The following UTY variants were observed in gnomAD, a reference collection of about 807,000 sequenced individuals.
UTY encodes ubiquitously transcribed tetratricopeptide repeat containing, Y-linked, also known as histone demethylase UTY.
In UTY, 12 loss-of-function variants were observed where a neutral mutation model predicts 32.5. The ratio of observed to expected loss-of-function variants is 0.37; its 90% CI spans 0.24 to 0.60. The LOEUF is 0.60. UTY is among the 20% of genes least tolerant of loss of function. The pLI is 0.69. For synonymous variants in UTY, 131 were observed against 103.4 expected (o/e 1.27, Z -1.62); for missense variants, 303 against 299.2 (o/e 1.01, Z -0.09).
At chrY:13,244,003 T>A, downstream of UTY, among the ~76,000 whole-genome samples, 1 of 32,075 alleles carries the variant, frequency 3.1e-5, no homozygotes. Flanking sequence ...GAGGTGGAAT[T>A]TCACCAGGTT....
intron 17 of UTY, among the ~76,000 whole-genome samples, chrY:13,351,087 C>T: frequency 6.3e-5 from 2 of 31,633 alleles, no homozygotes; most frequent in African/African-American, 2.5e-4. Flanking sequence ...TATTCTCCAG[C>T]CACTCCTTAA....
intron 27 of UTY, among the ~76,000 whole-genome samples, chrY:13,268,158 G>T (rs765524652): frequency 6.0e-5 from 2 of 33,121 alleles, no homozygotes; most frequent in Non-Finnish European, 1.5e-4. Flanking sequence ...ACTTTCAGGT[G>T]TATCAATCAA....
intron 2 of UTY, among the ~76,000 whole-genome samples, chrY:13,478,789 T>G: frequency 3.0e-5 from 1 of 33,383 alleles, no homozygotes; most frequent in Non-Finnish European, 7.4e-5. Flanking sequence ...AGGTCAAATA[T>G]CTACTGCAAA....
At chrY:13,379,899 T>G (rs1603445133) in intron 8 of UTY, among the ~76,000 whole-genome samples, 3 of 14,451 alleles carry the variant, frequency 2.1e-4, no homozygotes, top group African/African-American at 1.4e-3. Context: ...CATTAAGGGG[T>G]GTGTGTGTGT....
intron 3 of UTY, among the ~76,000 whole-genome samples, chrY:13,459,218 A>G: frequency 3.0e-5 from 1 of 33,014 alleles, no homozygotes; most frequent in Non-Finnish European, 7.5e-5. Flanking sequence ...CCATTGTCCT[A>G]GATAAAGGCA....
chrY:13,428,482 A>G (rs761697209), intron 4 of UTY, among the ~76,000 whole-genome samples: 1 of 33,531 alleles, frequency 3.0e-5, no homozygotes, highest in Non-Finnish European at 7.4e-5. Flanking sequence ...ACCTTGTCTA[A>G]TAACAGCTGG....
At chrY:13,414,306 C>T in intron 5 of UTY, among the ~76,000 whole-genome samples, 1 of 33,823 alleles carries the variant, frequency 3.0e-5, no homozygotes, top group African/African-American at 1.2e-4. Context: ...AGAATCTTAA[C>T]GCTTAGTAGC....
At chrY:13,250,090 G>A in intron 29 of UTY, among the ~76,000 whole-genome samples, 6 of 33,005 alleles carry the variant, frequency 1.8e-4, no homozygotes, top group African/African-American at 7.2e-4. Context: ...GCGCGATCTC[G>A]GCTCACCGCA....
chrY:13,469,245 T>TC (rs2078227936), intron 3 of UTY, among the ~76,000 whole-genome samples: 1 of 27,318 alleles, frequency 3.7e-5, no homozygotes, highest in Non-Finnish European at 8.7e-5. Flanking sequence ...GGAGCCTTGC[T>TC]CTGTTGCCTA....
intron 8 of UTY, among the ~76,000 whole-genome samples, chrY:13,376,380 T>G: frequency 4.7e-4 from 16 of 33,809 alleles, no homozygotes; most frequent in Admixed American, 4.3e-3. Flanking sequence ...CTTATATATT[T>G]GTATACTTGT....
At chrY:13,272,857 C>A (rs887007638) in intron 27 of UTY, among the ~76,000 whole-genome samples, 1 of 33,507 alleles carries the variant, frequency 3.0e-5, no homozygotes, top group East Asian at 7.8e-4. Flanking sequence ...CCTTTTCAGC[C>A]TCCTGAGTAG....
chrY:13,332,604 A>G (rs2060770203), intron 18 of UTY, among the ~76,000 whole-genome samples: 1 of 33,689 alleles, frequency 3.0e-5, no homozygotes, highest in Non-Finnish European at 7.4e-5. Flanking sequence ...TCTCAATAAG[A>G]GCTATTTATG....
chrY:13,297,948 A>G, intron 26 of UTY, 100 bp from the exon 27 acceptor site: 2 of 195,378 alleles, frequency 1.0e-5, no homozygotes, highest in East Asian at 1.1e-4. Context: ...TGCAATACCA[A>G]TTCTGAAAAC....
intron 28 of UTY, chrY:13,234,882 C>A: frequency 9.5e-6 from 1 of 105,138 alleles, no homozygotes; most frequent in East Asian, 2.1e-4. Flanking sequence ...AGGCCAGTTC[C>A]CACCCTTCAG....
intron 27 of UTY, among the ~76,000 whole-genome samples, chrY:13,278,769 C>T: frequency 3.0e-5 from 1 of 33,744 alleles, no homozygotes; most frequent in Admixed American, 2.6e-4. Context: ...AGACTCAAGG[C>T]CTTGTCTCTC....
intron 3 of UTY, among the ~76,000 whole-genome samples, chrY:13,460,612 G>T: frequency 3.0e-5 from 1 of 32,975 alleles, no homozygotes; most frequent in Non-Finnish European, 7.4e-5. Context: ...GATGTGGGAG[G>T]ACTGCTTGAG....
At chrY:13,354,855 T>G in intron 17 of UTY, 148 bp downstream of exon 17, 1 of 362,813 alleles carries the variant, frequency 2.8e-6, no homozygotes, top group Non-Finnish European at 3.8e-6. Context: ...CTGGTATCAC[T>G]TAAAAGTTTT....
chrY:13,387,761 G>C (rs760297338), intron 8 of UTY, among the ~76,000 whole-genome samples: 1 of 33,486 alleles, frequency 3.0e-5, no homozygotes, highest in African/African-American at 1.2e-4. Context: ...AGTGAGCTGA[G>C]ATCGCACCAA....
intron 4 of UTY, among the ~76,000 whole-genome samples, chrY:13,446,018 C>T: frequency 3.0e-5 from 1 of 33,284 alleles, no homozygotes; most frequent in South Asian, 6.6e-4. Context: ...AGATTATGTC[C>T]TCTGCAGAAA....
Sources: gnomAD v4.1 joint callset for allele counts (sites outside exome capture counted in the v4.1 genomes callset) on GRCh38, gnomAD v4.1.1 for gene constraint, MANE v1.5 for transcripts, NCBI Gene and HGNC (gene_info 2026-07-23, HGNC 2026-07-21) for gene names.